DPY19L4: variants seen among roughly 807,000 people sequenced by gnomAD.
DPY19L4 encodes dpy-19 like 4, also known as probable C-mannosyltransferase DPY19L4.
A neutral mutation model predicts 102.8 loss-of-function variants in DPY19L4; 97 were observed. That is an observed-to-expected ratio of 0.94 (90% CI 0.80 to 1.12). The LOEUF (loss-of-function observed/expected upper bound fraction) is 1.12, where lower values mean the gene tolerates loss of function less well. Ranked by LOEUF, DPY19L4 falls within the 50% of genes most tolerant of loss-of-function variation. DPY19L4 has a pLI of 0.00. For synonymous variants in DPY19L4, 252 were observed against 283.1 expected (o/e 0.89, Z 1.10); for missense variants, 815 against 850.4 (o/e 0.96, Z 0.52).
intron 16 of DPY19L4, among the ~76,000 whole-genome samples, chr8:94,781,453 C>G (rs1462411541): frequency 6.6e-6 from 1 of 152,120 alleles, no homozygotes; most frequent in Non-Finnish European, 1.5e-5. Flanking sequence ...TTTAGATACT[C>G]AAGAGGATGC....
Position 94,751,511 on chromosome 8 carries a change from A to G in DPY19L4, c.612-4525A>G, listed in dbSNP as rs570955719. ...TATTTATTTATTTATTTATTTTTTG[A>G]GACTGAGTCTCACTCTGTCGCCCAA... On this transcript the variant is annotated intron_variant, in intron 6 of 18. Coordinates refer to ENST00000414645, the MANE Select transcript of DPY19L4 (RefSeq NM_181787.3). Among the ~76,000 whole-genome samples the G allele has an allele frequency of 4.0e-5, 6 of 149,278 alleles. No homozygotes were observed. In the South Asian group the frequency reaches 1.3e-3, roughly 32 times the overall value.
chr8:94,734,365 A>G (rs1811104250), intron 2 of DPY19L4, among the ~76,000 whole-genome samples: 1 of 152,050 alleles, frequency 6.6e-6, no homozygotes, highest in Admixed American at 6.6e-5. Context: ...CCCATCCACA[A>G]TACCACATGA....
At chr8:94,785,147 G>A (rs546478401) in intron 17 of DPY19L4, among the ~76,000 whole-genome samples, 3 of 152,256 alleles carry the variant, frequency 2.0e-5, no homozygotes, top group African/African-American at 4.8e-5. Context: ...GACCTTAAGC[G>A]AGTTACTAAA....
At chr8:94,751,616 A>C (rs997335049) in intron 6 of DPY19L4, among the ~76,000 whole-genome samples, 4 of 152,030 alleles carry the variant, frequency 2.6e-5, no homozygotes, top group African/African-American at 9.7e-5. Flanking sequence ...CAGCCTCCCA[A>C]GTAGCTGCGA....
At chr8:94,749,857 A>C (rs1256899724) in intron 6 of DPY19L4, among the ~76,000 whole-genome samples, 5 of 152,242 alleles carry the variant, frequency 3.3e-5, no homozygotes, top group African/African-American at 1.2e-4. Context: ...AAATCTGGAA[A>C]ATAAATCCTT....
At chr8:94,786,220 A>G (rs1186999697) in intron 17 of DPY19L4, among the ~76,000 whole-genome samples, 1 of 152,026 alleles carries the variant, frequency 6.6e-6, no homozygotes, top group Non-Finnish European at 1.5e-5. Flanking sequence ...TCCGCCTCCC[A>G]GGTTCAAACA....
In DPY19L4 at chr8:94,769,189, G is replaced by C. The variant is rs1812817912; in HGVS notation, c.1334+636G>C. ...CGATTCTCCTACCTCAGCCTCCCGA[G>C]TAGCTGGGATGACAGGCATGCGCTG... On this transcript the variant is annotated intron_variant, in intron 12 of 18. Coordinates refer to ENST00000414645, the MANE Select transcript of DPY19L4 (RefSeq NM_181787.3). 2.0e-5 allele frequency among the ~76,000 whole-genome samples: 3 copies of C among 149,956 alleles called. 1 individual carries two copies. In the South Asian group the frequency reaches 6.4e-4, roughly 32 times the overall value.
chr8:94,772,744 C>T (rs1410443343), intron 13 of DPY19L4, among the ~76,000 whole-genome samples: 1 of 152,232 alleles, frequency 6.6e-6, no homozygotes, highest in East Asian at 1.9e-4. Context: ...CCATAAATCA[C>T]ACTGTTAGCA....
Position 94,730,745 on chromosome 8 carries a change from CT to C in DPY19L4, c.128-3868del, listed in dbSNP as rs533095374. On this transcript the variant is annotated intron_variant, in intron 2 of 18. Transcript: ENST00000414645. ...GGGCAACAAGAGCGAAACTCTGTCT[CT>C]TTTTTTTTTTTTTTTTGAGACGGAG... Among the ~76,000 whole-genome samples, 1,069 of 116,214 alleles carry C rather than the reference CT, an allele frequency of 9.2e-3. 8 individuals carry two copies. Among genetic ancestry groups the C allele is most frequent in the Middle Eastern group, 0.03 (6 of 200 alleles). 76.2% of individuals were successfully genotyped at this position (116,214 alleles called of 152,430 possible).
chr8:94,769,062 G>T (rs79811317), intron 12 of DPY19L4, among the ~76,000 whole-genome samples: 18,593 of 126,798 alleles, frequency 0.15, 1,449 homozygotes, highest in African/African-American at 0.18. Context: ...TAGTTTTTTT[G>T]TTTTTTTTTT....
At chr8:94,777,588 AAG>A (rs1210223431) in intron 13 of DPY19L4, 76 bp from the exon 14 acceptor site, 1 of 1,509,524 alleles carries the variant, frequency 6.6e-7, no homozygotes, top group Non-Finnish European at 8.9e-7. Flanking sequence ...AGTAGTAGGA[AAG>A]AGCTCAGAGA....
At chr8:94,780,036 T>C (rs1003422935) in intron 14 of DPY19L4, among the ~76,000 whole-genome samples, 2 of 152,206 alleles carry the variant, frequency 1.3e-5, no homozygotes, top group African/African-American at 4.8e-5. Flanking sequence ...CTTTGTAAGA[T>C]CTGTATAACA....
rs561810273 is a variant in DPY19L4 at position 94,735,992 on chromosome 8, A to C, written c.252+1238A>C. ...AAAGTACCATAAGCTTATAAACAAC[A>C]GAATGGCTTGTAAACAACAGAAATT... On this transcript the variant is annotated intron_variant, in intron 3 of 18. Transcript: ENST00000414645. Among the ~76,000 whole-genome samples the C allele has an allele frequency of 1.5e-3, 223 of 152,326 alleles. 1 individual carries two copies. Among genetic ancestry groups the C allele is most frequent in the African/African-American group, 5.2e-3 (215 of 41,572 alleles).
intron 9 of DPY19L4, 61 bp downstream of exon 9, chr8:94,765,375 C>CT: frequency 6.7e-7 from 1 of 1,483,080 alleles, no homozygotes. Flanking sequence ...AGTGGAGTCT[C>CT]ACTCTGTTGC....
intron 2 of DPY19L4, among the ~76,000 whole-genome samples, chr8:94,728,367 AATTGTTTTCCAGTTC>A (rs1467926954): frequency 6.6e-6 from 1 of 152,158 alleles, no homozygotes; most frequent in Non-Finnish European, 1.5e-5. Context: ...GTTCCTGGGG[AATTGTTTTCCAGTTC>A]ATTGTTTTCC....
chr8:94,783,646 G>A (rs1401074972), intron 16 of DPY19L4, 24 bp from the exon 17 acceptor site: 1 of 1,610,970 alleles, frequency 6.2e-7, no homozygotes, highest in Admixed American at 1.7e-5. Flanking sequence ...TTTTCAGTGT[G>A]CAAATCTTTA....
chr8:94,760,882 G>C (rs539784983), intron 7 of DPY19L4, among the ~76,000 whole-genome samples: 29 of 152,238 alleles, frequency 1.9e-4, no homozygotes, highest in African/African-American at 6.7e-4. Flanking sequence ...GCAGATTTTC[G>C]GCAAGGGCAA....
chr8:94,770,463 T>C lies in DPY19L4; in HGVS notation c.1346T>C (p.Leu449Pro). ...VIFRRINGKS[L>P]KETVTLEDGR... The stretch of plus-strand genomic sequence containing the variant: ...TTTTCTTTTTGTAGTGGTAAGTCCC[T>C]GAAGGAAACTGTTACTCTTGAAGAT... The change falls in exon 13 of 19, where the codon CTG becomes CCG. Residue 449 changes from leucine to proline, a missense_variant. Leu to Pro is a moderately conservative substitution (Grantham distance 98, BLOSUM62 -3). Transcript: ENST00000414645. The C allele has an allele frequency of 6.2e-7, 1 of 1,612,372 alleles. No individual in the cohort carries two copies. Among genetic ancestry groups the C allele is most frequent in the Non-Finnish European group, 8.5e-7 (1 of 1,179,490 alleles).
chr8:94,728,152 G>C (rs1810772021), intron 2 of DPY19L4, among the ~76,000 whole-genome samples: 1 of 152,128 alleles, frequency 6.6e-6, no homozygotes, highest in Non-Finnish European at 1.5e-5. Flanking sequence ...AGTAGAAACG[G>C]GGTTTCACCA....
Sources: gnomAD v4.1 joint callset for allele counts (sites outside exome capture counted in the v4.1 genomes callset) on GRCh38, gnomAD v4.1.1 for gene constraint, MANE v1.5 for transcripts, NCBI Gene and HGNC (gene_info 2026-07-23, HGNC 2026-07-21) for gene names.